Variants in GXYLT1 observed in about 807,000 individuals in gnomAD.
The protein encoded by GXYLT1 is glycosyltransferase 8 domain containing 3.
Under a neutral mutation model 54.0 loss-of-function variants are expected in GXYLT1, and 29 were observed. The observed-to-expected ratio is 0.54, with a 90% CI of 0.40 to 0.73. The LOEUF (loss-of-function observed/expected upper bound fraction) is 0.73. GXYLT1 is among the 30% of genes least tolerant of loss of function. The probability of loss-of-function intolerance (pLI) is 0.00; values close to 1 mark genes in which losing one functional copy is unlikely to be tolerated. For synonymous variants in GXYLT1, 176 were observed against 204.1 expected (o/e 0.86, Z 1.17); for missense variants, 490 against 553.4 (o/e 0.89, Z 1.15).
chr12:42,135,654 G>A (rs141575978), intron 1 of GXYLT1, among the ~76,000 whole-genome samples: 5 of 152,298 alleles, frequency 3.3e-5, no homozygotes, highest in African/African-American at 9.6e-5. Context: ...AGTGATACAC[G>A]CTACAGTGGA....
Position 42,087,200 on chromosome 12 carries a change from A to T in GXYLT1, c.*586T>A, listed in dbSNP as rs1482252607. ...TACCTTACACAGCTCAATTTTTAAC[A>T]TGCAGCTTACTTGTAATCTAAAAAT... On this transcript the variant is annotated 3_prime_UTR_variant, in exon 8 of 8. Transcript: ENST00000398675. 1 of 152,314 alleles carries T rather than the reference A, an allele frequency of 6.6e-6. No individual in the cohort carries two copies. The highest frequency in any genetic ancestry group is 2.4e-5 in the African/African-American group (1 of 41,414). The allele number at this position is 152,314 out of a possible 1,614,324, so 9.4% of individuals were successfully genotyped here. A position where few individuals can be genotyped will look rare whatever the true frequency, so the allele number is the denominator to read the frequency against.
At chr12:42,131,622 A>C (rs572033412) in intron 1 of GXYLT1, among the ~76,000 whole-genome samples, 5 of 152,386 alleles carry the variant, frequency 3.3e-5, no homozygotes, top group African/African-American at 4.8e-5. Context: ...AAAAGGCTAC[A>C]TATCTTCATT....
intron 2 of GXYLT1, among the ~76,000 whole-genome samples, chr12:42,122,825 G>A (rs1277462625): frequency 1.3e-5 from 2 of 152,140 alleles, no homozygotes; most frequent in African/African-American, 4.8e-5. Context: ...TTATAAAGGA[G>A]ATAAAAGCAC....
intron 4 of GXYLT1, among the ~76,000 whole-genome samples, chr12:42,107,659 C>G (rs1389882253): frequency 6.6e-6 from 1 of 151,994 alleles, no homozygotes; most frequent in Non-Finnish European, 1.5e-5. Flanking sequence ...CCAGTACACT[C>G]CAGACTAGGC....
At chr12:42,137,758 A>T (rs1377795205) in intron 1 of GXYLT1, among the ~76,000 whole-genome samples, 1 of 141,198 alleles carries the variant, frequency 7.1e-6, no homozygotes, top group Non-Finnish European at 1.5e-5. Flanking sequence ...CTCCATCTCA[A>T]ATTGAAAAAA....
intron 1 of GXYLT1, among the ~76,000 whole-genome samples, chr12:42,139,348 T>C (rs142642371): frequency 2.0e-5 from 3 of 152,218 alleles, no homozygotes; most frequent in East Asian, 3.8e-4. Flanking sequence ...GAATTTGCTA[T>C]GGTCTGAATG....
rs1555139400 is a variant in GXYLT1, at chr12:42,098,784, T to TAA, written c.865-753_865-752dup. ...ACATATATATATATATATATATATA[T>TAA]AATACATGTGTGTGTATATATACAT... On this transcript the variant is annotated intron_variant, in intron 5 of 7. Transcript: ENST00000398675. 8.9e-3 allele frequency among the ~76,000 whole-genome samples: 1,193 copies of TAA among 134,394 alleles called. 40 individuals carry two copies. The highest frequency in any genetic ancestry group is 0.031 in the African/African-American group (1,134 of 36,078). 88.2% of individuals were successfully genotyped at this position (134,394 alleles called of 152,430 possible).
intron 2 of GXYLT1, among the ~76,000 whole-genome samples, chr12:42,128,627 T>C (rs1367068956): frequency 6.6e-6 from 1 of 152,224 alleles, no homozygotes; most frequent in Non-Finnish European, 1.5e-5. Flanking sequence ...GGAGCCACAA[T>C]TAACCTGACC....
At chr12:42,113,583 TA>T (rs1440848095) in intron 3 of GXYLT1, among the ~76,000 whole-genome samples, 1 of 150,938 alleles carries the variant, frequency 6.6e-6, no homozygotes, top group Admixed American at 6.6e-5. Flanking sequence ...AAGAGCTAAC[TA>T]TCCTAAATAT....
chr12:42,113,577 G>C (rs2065472966), intron 3 of GXYLT1, among the ~76,000 whole-genome samples: 1 of 150,920 alleles, frequency 6.6e-6, no homozygotes, highest in African/African-American at 2.5e-5. Flanking sequence ...AACAAGAAGA[G>C]CTAACTATCC....
chr12:42,123,772 T>C (rs1415076196), intron 2 of GXYLT1, among the ~76,000 whole-genome samples: 1 of 152,048 alleles, frequency 6.6e-6, no homozygotes, highest in Admixed American at 6.6e-5. Context: ...CAATTAAATT[T>C]CAAATAACCA....
At chr12:42,103,303 G>A (rs112148832) in intron 5 of GXYLT1, among the ~76,000 whole-genome samples, 1,619 of 152,236 alleles carry the variant, frequency 0.011, 25 homozygotes, top group African/African-American at 0.036. Flanking sequence ...CACCAGGTTC[G>A]AAATGAACAG....
intron 1 of GXYLT1, among the ~76,000 whole-genome samples, chr12:42,142,754 T>C (rs995522187): frequency 5.9e-5 from 9 of 152,146 alleles, no homozygotes; most frequent in Admixed American, 5.2e-4. Context: ...AACCATAGAG[T>C]AAAACTTCAC....
chr12:42,128,550 C>T (rs1341509252), intron 2 of GXYLT1, among the ~76,000 whole-genome samples: 1 of 152,152 alleles, frequency 6.6e-6, no homozygotes, highest in Non-Finnish European at 1.5e-5. Flanking sequence ...AACAACTTGT[C>T]ACACTCTATT....
rs1041902427 is a variant in GXYLT1, at chr12:42,102,427, T to A, written c.864+3391A>T. Among the ~76,000 whole-genome samples the A allele has an allele frequency of 3.9e-5, 6 of 152,334 alleles. No homozygotes were observed. The South Asian group carries it at 1.2e-3, about 32-fold the overall frequency. ...TCATACAAAGTGTTCCCTTTTCCAGTATTTTTCAATTCATTAATGGCCTAG... is the reference window on the plus strand; with the variant it reads ...TCATACAAAGTGTTCCCTTTTCCAGAATTTTTCAATTCATTAATGGCCTAG... On this transcript the variant is annotated intron_variant, in intron 5 of 7. Coordinates refer to ENST00000398675, the MANE Select transcript of GXYLT1 (RefSeq NM_173601.2).
intron 2 of GXYLT1, among the ~76,000 whole-genome samples, chr12:42,121,834 T>C (rs893194825): frequency 6.6e-6 from 1 of 151,980 alleles, no homozygotes; most frequent in African/African-American, 2.4e-5. Context: ...TTATATACAG[T>C]ACAGGCTCAA....
chr12:42,097,416 TAAAA>T (rs751614002), intron 7 of GXYLT1, 22 bp downstream of exon 7: 1 of 1,519,264 alleles, frequency 6.6e-7, no homozygotes, highest in African/African-American at 1.4e-5. Context: ...AACAAAAAGT[TAAAA>T]AAAAGGAAAG....
intron 5 of GXYLT1, among the ~76,000 whole-genome samples, chr12:42,103,227 G>C (rs575882472): frequency 6.6e-6 from 1 of 152,200 alleles, no homozygotes; most frequent in Non-Finnish European, 1.5e-5. Flanking sequence ...CCAAAGTCTT[G>C]GAATTACAGG....
At chr12:42,113,007 C>G (rs567579658) in intron 3 of GXYLT1, among the ~76,000 whole-genome samples, 3 of 151,014 alleles carry the variant, frequency 2.0e-5, no homozygotes. Context: ...ATTTTCAACC[C>G]GGAATTTCAT....
Sources: gnomAD v4.1 joint callset for allele counts (sites outside exome capture counted in the v4.1 genomes callset) on GRCh38, gnomAD v4.1.1 for gene constraint, MANE v1.5 for transcripts, NCBI Gene and HGNC (gene_info 2026-07-23, HGNC 2026-07-21) for gene names.